The following CTNNA2 variants were observed in gnomAD, a reference collection of about 807,000 sequenced individuals.
The protein encoded by CTNNA2 is catenin alpha-2.
Under a neutral mutation model 101.0 loss-of-function variants are expected in CTNNA2, and 42 were observed. The observed-to-expected ratio is 0.42, with a 90% CI of 0.32 to 0.54. CTNNA2 has a LOEUF of 0.54. Among genes scored for constraint, CTNNA2 ranks in the 20% least tolerant of loss-of-function variants. The pLI, the probability that CTNNA2 is intolerant of heterozygous loss-of-function variation, is 0.14. For synonymous variants in CTNNA2, 450 were observed against 456.4 expected (o/e 0.99, Z 0.18); for missense variants, 871 against 1,223.1 (o/e 0.71, Z 4.29).
In CTNNA2 at chr2:80,341,363, C is replaced by A. The variant is rs149099092; in HGVS notation, c.1057-51848C>A. On this transcript the variant is annotated intron_variant, in intron 7 of 18. Transcript: ENST00000402739. The stretch of plus-strand genomic sequence containing the variant: ...AGTCATCTCATTAATATAGAAAAGA[C>A]GCTCATCACTCTAGAGCTTCCAAGC... Among the ~76,000 whole-genome samples, 835 of 152,196 alleles carry A rather than the reference C, an allele frequency of 5.5e-3. 3 individuals carry two copies. The highest frequency in any genetic ancestry group is 0.016 in the Admixed American group (238 of 15,290).
chr2:79,960,863 G>A (rs1689579524), intron 7 of CTNNA2, among the ~76,000 whole-genome samples: 2 of 152,124 alleles, frequency 1.3e-5, no homozygotes, highest in African/African-American at 4.8e-5. Context: ...GCCCGTGAGG[G>A]TGAATTACAG....
At chr2:80,488,432 T>C (rs900872358) in intron 9 of CTNNA2, among the ~76,000 whole-genome samples, 2 of 152,154 alleles carry the variant, frequency 1.3e-5, no homozygotes, top group Non-Finnish European at 2.9e-5. Flanking sequence ...TTGGGGATCA[T>C]TATAGGACAG....
intron 4 of CTNNA2, among the ~76,000 whole-genome samples, chr2:79,420,601 T>C (rs1054723621): frequency 2.6e-5 from 4 of 152,196 alleles, no homozygotes; most frequent in Admixed American, 2.6e-4. Flanking sequence ...GATCAATTAT[T>C]AGATATTAAA....
chr2:80,196,954 A>G (rs1048537551), intron 7 of CTNNA2, among the ~76,000 whole-genome samples: 22 of 152,072 alleles, frequency 1.4e-4, no homozygotes, highest in African/African-American at 5.3e-4. Flanking sequence ...TTATTCACTG[A>G]CTGCTTTTAA....
At chr2:80,517,997 G>GTTTTT (rs1472150665) in intron 9 of CTNNA2, among the ~76,000 whole-genome samples, 1 of 152,118 alleles carries the variant, frequency 6.6e-6, no homozygotes, top group Non-Finnish European at 1.5e-5. Flanking sequence ...ACACCTTCAG[G>GTTTTT]TGACGGGCAG....
At chr2:79,984,076 A>G (rs1401479747) in intron 7 of CTNNA2, among the ~76,000 whole-genome samples, 2 of 152,218 alleles carry the variant, frequency 1.3e-5, no homozygotes, top group East Asian at 3.9e-4. Flanking sequence ...TTGTCCTATT[A>G]TGAAGACTTG....
intron 3 of CTNNA2, among the ~76,000 whole-genome samples, chr2:79,806,604 A>C (rs111736634): frequency 0.02 from 2,986 of 152,056 alleles, 86 homozygotes; most frequent in African/African-American, 0.068. Context: ...CCATGTGCAC[A>C]CTACCTCCTC....
At chr2:79,755,437 T>C (rs1416719329) in intron 3 of CTNNA2, among the ~76,000 whole-genome samples, 1 of 152,200 alleles carries the variant, frequency 6.6e-6, no homozygotes, top group Non-Finnish European at 1.5e-5. Flanking sequence ...GCAGCTGAGC[T>C]AGAGATCTGA....
chr2:79,631,569 T>C (rs567494730), intron 1 of CTNNA2, among the ~76,000 whole-genome samples: 2 of 152,184 alleles, frequency 1.3e-5, no homozygotes, highest in Non-Finnish European at 2.9e-5. Flanking sequence ...CTTGAATGTT[T>C]AGGAGAATTT....
rs1377541853 is a variant in CTNNA2 at position 80,179,386 on chromosome 2, T to G, written c.1057-213825T>G. ...TCAAGTTTTTTTTTGTTTTTTTGTT[T>G]TTTTTGAGACGGAGTCTCGCTCTGT... is the stretch of plus-strand genomic sequence containing the variant. On this transcript the variant is annotated intron_variant, in intron 7 of 18. Transcript: ENST00000402739. Among the ~76,000 whole-genome samples, 14 of 152,276 alleles carry G rather than the reference T, an allele frequency of 9.2e-5. No homozygotes were observed. In the East Asian group the frequency reaches 2.7e-3, roughly 29 times the overall value.
At chr2:80,190,127 A>C (rs1274360210) in intron 7 of CTNNA2, among the ~76,000 whole-genome samples, 1 of 152,046 alleles carries the variant, frequency 6.6e-6, no homozygotes, top group East Asian at 1.9e-4. Context: ...ATCATGATTA[A>C]TAGGGGTTAA....
chr2:80,385,346 G>C (rs997125370), intron 7 of CTNNA2, among the ~76,000 whole-genome samples: 26 of 152,002 alleles, frequency 1.7e-4, no homozygotes, highest in Admixed American at 3.9e-4. Context: ...AGAGACCCCA[G>C]AGGACTCCCT....
intron 4 of CTNNA2, among the ~76,000 whole-genome samples, chr2:79,479,301 A>T (rs921202595): frequency 6.6e-6 from 1 of 152,172 alleles, no homozygotes; most frequent in Non-Finnish European, 1.5e-5. Context: ...GGACACCAGC[A>T]CCTTCCTCAA....
chr2:79,267,817 A>G (rs1675005706), intron 2 of CTNNA2, among the ~76,000 whole-genome samples: 1 of 152,138 alleles, frequency 6.6e-6, no homozygotes, highest in Non-Finnish European at 1.5e-5. Flanking sequence ...GTCCTGGAAA[A>G]GCCCCTGGAG....
chr2:79,351,198 C>A (rs1053641939), intron 3 of CTNNA2, among the ~76,000 whole-genome samples: 1 of 152,066 alleles, frequency 6.6e-6, no homozygotes, highest in Non-Finnish European at 1.5e-5. Context: ...GTCATAAATT[C>A]TCTGCCTAGA....
chr2:79,855,444 T>C (rs1332310916), intron 3 of CTNNA2, among the ~76,000 whole-genome samples: 1 of 152,170 alleles, frequency 6.6e-6, no homozygotes, highest in African/African-American at 2.4e-5. Flanking sequence ...CTAAGACAGA[T>C]GGAAGGAGTC....
intron 7 of CTNNA2, among the ~76,000 whole-genome samples, chr2:79,973,455 G>T (rs1690629467): frequency 6.6e-6 from 1 of 152,092 alleles, no homozygotes; most frequent in Admixed American, 6.6e-5. Context: ...AAAAACAGAG[G>T]GTCACACAGA....
Position 80,096,046 on chromosome 2 carries a change from C to T in CTNNA2, c.1056+186249C>T, listed in dbSNP as rs1418925174. On this transcript the variant is annotated intron_variant, in intron 7 of 18. Transcript: ENST00000402739. ...TTAGTTATTTCTTGCCTTCTGCTAG[C>T]TTTTGAATGTGTTTGCTCTTGCTTC... 1.7e-4 allele frequency among the ~76,000 whole-genome samples: 26 copies of T among 151,808 alleles called. 1 individual carries two copies. Among genetic ancestry groups the T allele is most frequent in the Non-Finnish European group, 1.5e-4 (10 of 67,970 alleles).
chr2:80,099,557 G>C (rs1419818274), intron 7 of CTNNA2, among the ~76,000 whole-genome samples: 4 of 152,152 alleles, frequency 2.6e-5, no homozygotes, highest in African/African-American at 4.8e-5. Context: ...AGTTTTAAAT[G>C]ACTGGTATGT....
Sources: allele counts gnomAD v4.1 joint callset (sites outside exome capture counted in the v4.1 genomes callset), GRCh38; gene constraint gnomAD v4.1.1; transcripts MANE v1.5; gene names NCBI Gene and HGNC (gene_info 2026-07-23, HGNC 2026-07-21).